The following CAMSAP3 variants were observed in gnomAD, a reference collection of about 807,000 sequenced individuals.
CAMSAP3 encodes the protein calmodulin regulated spectrin associated protein family member 3.
Under a neutral mutation model 112.5 loss-of-function variants are expected in CAMSAP3, and 34 were observed. The observed-to-expected ratio is 0.30, with a 90% CI of 0.23 to 0.40. The LOEUF is 0.40. Ranked by LOEUF, CAMSAP3 falls within the 10% of genes least tolerant of loss-of-function variation. The probability of loss-of-function intolerance (pLI) is 1.00; values close to 1 mark genes in which losing one functional copy is unlikely to be tolerated. For missense variants in CAMSAP3, 1,602 were observed against 1,770.3 expected (o/e 0.90, Z 1.71); for synonymous variants, 868 against 799.8 (o/e 1.09, Z -1.44).
chr19:7,606,521 C>A lies in CAMSAP3; in HGVS notation c.571C>A (p.Arg191=), dbSNP rs201421228. The change falls in exon 4 of 17, where the codon CGA becomes AGA. Residue 191 remains arginine (R), a synonymous_variant. Coordinates refer to ENST00000160298, the MANE Select transcript of CAMSAP3 (RefSeq NM_020902.2). The part of the protein sequence containing the change: ...QEKTEQEAAQ[R]ASPAAPADGA... Reference sequence around the variant, plus strand: ...GAAGACCGAGCAGGAAGCGGCCCAGCGAGCCTCTCCAGCAGCCCCTGCAGA... The same window carrying A: ...GAAGACCGAGCAGGAAGCGGCCCAGAGAGCCTCTCCAGCAGCCCCTGCAGA... 3 of 1,546,688 alleles carry A rather than the reference C, an allele frequency of 1.9e-6. No individual in the cohort carries two copies. Among genetic ancestry groups the A allele is most frequent in the Middle Eastern group, 2.0e-4 (1 of 4,962 alleles).
Position 7,606,500 on chromosome 19 carries a change from A to C in CAMSAP3, c.550A>C (p.Thr184Pro). 6.4e-7 allele frequency: 1 copy of C among 1,571,706 alleles called. No homozygotes were observed. Among genetic ancestry groups the C allele is most frequent in the Non-Finnish European group, 8.6e-7 (1 of 1,166,688 alleles). ...GACCGTCCGGCGGCTGCAGGAGAAG[A>C]CCGAGCAGGAAGCGGCCCAGCGAGC... ...DTTVRRLQEKTEQEAAQRASP... is the reference protein window; with the variant it reads ...DTTVRRLQEKPEQEAAQRASP... The change falls in exon 4 of 17, where the codon ACC becomes CCC. Residue 184 changes from threonine to proline, a missense_variant. This residue lies in a region of CAMSAP3 where 112 missense variants were observed against 94.2 expected (regional missense o/e 1.19). Transcript: ENST00000160298.
rs2030399585 is a variant in CAMSAP3 at position 7,610,100 on chromosome 19, T to C, written c.761-376T>C. 6.6e-6 allele frequency among the ~76,000 whole-genome samples: 1 copy of C among 152,022 alleles called. No individual in the cohort carries two copies. The highest frequency in any genetic ancestry group is 2.1e-4 in the South Asian group (1 of 4,826). On this transcript the variant is annotated intron_variant, in intron 5 of 16. Transcript: ENST00000160298. The surrounding 1 kb of genome is among the most constrained non-coding windows in gnomAD (Gnocchi z 4.9). ...TTGGGTGGCTGAGGCGGCCGGATCATGAAGTCAGGAGATCGAGACCATCCT... is the reference window on the plus strand; with the variant it reads ...TTGGGTGGCTGAGGCGGCCGGATCACGAAGTCAGGAGATCGAGACCATCCT...
chr19:7,613,050 G>T lies in CAMSAP3; in HGVS notation c.2557G>T (p.Asp853Tyr). ...CGAGATCCCGCTGGGCAGCCTGGCA[G>T]ATCCCGCCGCCGAGGACGAGGGAGA... ...LIEIPLGSLA[D>Y]PAAEDEGDGS... The change falls in exon 11 of 17, where the codon GAT becomes TAT. Residue 853 changes from aspartate (D) to tyrosine (Y), a missense_variant. Physicochemically the swap from Asp to Tyr is radical, Grantham distance 160 (BLOSUM62 -3). Coordinates refer to ENST00000160298, the MANE Select transcript of CAMSAP3 (RefSeq NM_020902.2). 1 of 1,550,492 alleles carries T rather than the reference G, an allele frequency of 6.4e-7. No homozygotes were observed. Among genetic ancestry groups the T allele is most frequent in the Non-Finnish European group, 8.7e-7 (1 of 1,148,122 alleles).
intron 11 of CAMSAP3, among the ~76,000 whole-genome samples, chr19:7,613,902 G>T (rs1168885426): frequency 6.6e-6 from 1 of 152,024 alleles, no homozygotes; most frequent in Admixed American, 6.6e-5. Flanking sequence ...TCCATCCCGG[G>T]CCATTTTGCA....
rs1376106196 is a variant in CAMSAP3, at chr19:7,615,005, G to C, written c.2671-178G>C. On this transcript the variant is annotated intron_variant, in intron 11 of 16. Coordinates refer to ENST00000160298, the MANE Select transcript of CAMSAP3 (RefSeq NM_020902.2). This position sits in a 1 kb window ranked among gnomAD's most constrained non-coding sequence, Gnocchi z 6.5. ...GCGGCACCCAGTGTATCCCATCCCT[G>C]TTGTGTCCCAGTACTTAGTGTGGGG... The C allele has an allele frequency of 1.3e-5, 9 of 712,172 alleles. No homozygotes were observed. In the East Asian group the frequency reaches 2.5e-4, roughly 19 times the overall value. 44.1% of individuals were successfully genotyped at this position (712,172 alleles called of 1,614,324 possible).
intron 3 of CAMSAP3, 24 bp from the exon 4 acceptor site, chr19:7,606,452 A>G (rs550318897): frequency 3.7e-6 from 6 of 1,608,352 alleles, no homozygotes; most frequent in Non-Finnish European, 5.1e-6. Flanking sequence ...TGGCCAGACC[A>G]CTGACCCCCT....
rs763082006 is a variant in CAMSAP3 at position 7,610,846 on chromosome 19, C to T, written c.995-31C>T. On this transcript the variant is annotated intron_variant, in intron 7 of 16. Coordinates refer to ENST00000160298, the MANE Select transcript of CAMSAP3 (RefSeq NM_020902.2). The surrounding 1 kb of genome is among the most constrained non-coding windows in gnomAD (Gnocchi z 4.9). ...GTCGGGGGCGGGTGGGAGAGCCAAA[C>T]CCCCGCCTGACCCTCTTCTCTGTAC... The T allele has an allele frequency of 3.7e-6, 6 of 1,609,210 alleles. No individual in the cohort carries two copies. The highest frequency in any genetic ancestry group is 4.2e-6 in the Non-Finnish European group (5 of 1,178,960).
Position 7,618,141 on chromosome 19 carries a change from C to T in CAMSAP3, c.*84C>T. Reference sequence around the variant, plus strand: ...GACAGTCAGTCGGTATTCCTGGGTCCTGTCTGTCCCCAACCGTGTCTGGGT... The same window carrying T: ...GACAGTCAGTCGGTATTCCTGGGTCTTGTCTGTCCCCAACCGTGTCTGGGT... On this transcript the variant is annotated 3_prime_UTR_variant, in exon 17 of 17. Coordinates refer to ENST00000160298, the MANE Select transcript of CAMSAP3 (RefSeq NM_020902.2). 6.9e-7 allele frequency: 1 copy of T among 1,449,622 alleles called. No homozygotes were observed. Among genetic ancestry groups the T allele is most frequent in the South Asian group, 1.3e-5 (1 of 78,276 alleles). The allele number at this position is 1,449,622 out of a possible 1,614,324, so 89.8% of individuals were successfully genotyped here.
chr19:7,606,045 C>T (rs1001921815), intron 2 of CAMSAP3, among the ~76,000 whole-genome samples: 1 of 152,166 alleles, frequency 6.6e-6, no homozygotes, highest in African/African-American at 2.4e-5. Flanking sequence ...TAACGCCTAG[C>T]ATCTGACCTC....
chr19:7,611,015 G>T lies in CAMSAP3; in HGVS notation c.1050-80G>T. 2 of 1,592,022 alleles carry T rather than the reference G, an allele frequency of 1.3e-6. No homozygotes were observed. The highest frequency in any genetic ancestry group is 8.6e-7 in the Non-Finnish European group (1 of 1,162,954). ...CTTGCTGAGCACTGGGACGCAGCTG[G>T]GTGATGCTGTTGTCTCCCCCCGGGG... is the stretch of plus-strand genomic sequence containing the variant. On this transcript the variant is annotated intron_variant, in intron 8 of 16. Coordinates refer to ENST00000160298, the MANE Select transcript of CAMSAP3 (RefSeq NM_020902.2). The surrounding 1 kb of genome is among the most constrained non-coding windows in gnomAD (Gnocchi z 6.9).
chr19:7,603,720 C>T (rs760946599), intron 1 of CAMSAP3, among the ~76,000 whole-genome samples: 8 of 152,116 alleles, frequency 5.3e-5, no homozygotes, highest in African/African-American at 7.2e-5. Flanking sequence ...TGTGGTGGCA[C>T]GTGCCTGCGG....
rs2030425095 is a variant in CAMSAP3 at position 7,610,562 on chromosome 19, C to T, written c.847C>T (p.Arg283Cys). The change falls in exon 6 of 17, where the codon CGT becomes TGT. Residue 283 changes from arginine to cysteine, a missense_variant. Transcript: ENST00000160298. This position sits in a 1 kb window ranked among gnomAD's most constrained non-coding sequence, Gnocchi z 4.9. Reference sequence around the variant, plus strand: ...GGATTTCTGTGCCTCTCGCCTTCCTCGTGGCTGCCCCCTGTCCCTTGAGGA... The same window carrying T: ...GGATTTCTGTGCCTCTCGCCTTCCTTGTGGCTGCCCCCTGTCCCTTGAGGA... ...VQDFCASRLPRGCPLSLEDLL... is the reference protein window; with the variant it reads ...VQDFCASRLPCGCPLSLEDLL... 2.2e-5 allele frequency: 36 copies of T among 1,613,630 alleles called. No homozygotes were observed. Among genetic ancestry groups the T allele is most frequent in the Non-Finnish European group, 2.6e-5 (31 of 1,180,016 alleles).
chr19:7,612,127 A>C lies in CAMSAP3; in HGVS notation c.1634A>C (p.Glu545Ala). 1 of 1,612,524 alleles carries C rather than the reference A, an allele frequency of 6.2e-7. No individual in the cohort carries two copies. The highest frequency in any genetic ancestry group is 1.1e-5 in the South Asian group (1 of 91,066). Reference sequence around the variant, plus strand: ...GCATCGAAACCGCCAGCCCCATCCGAGGGGTCCCCGAAGGCGGTGGCTTCG... The same window carrying C: ...GCATCGAAACCGCCAGCCCCATCCGCGGGGTCCCCGAAGGCGGTGGCTTCG... Reference protein sequence around the residue: ...GEASKPPAPSEGSPKAVASSP... With the variant: ...GEASKPPAPSAGSPKAVASSP... The change falls in exon 11 of 17, where the codon GAG becomes GCG. Residue 545 changes from glutamate to alanine, a missense_variant. Transcript: ENST00000160298.
chr19:7,599,750 A>C (rs1227348839), intron 1 of CAMSAP3, among the ~76,000 whole-genome samples: 83 of 48,366 alleles, frequency 1.7e-3, no homozygotes, highest in Middle Eastern at 0.016. Context: ...CATCCATCCA[A>C]CCACGCACTC....
Position 7,606,561 on chromosome 19 carries a change from C to T in CAMSAP3, c.611C>T (p.Ala204Val), listed in dbSNP as rs1333281522. The change falls in exon 4 of 17, where the codon GCG becomes GTG. Residue 204 changes from alanine (A) to valine (V), a missense_variant. Ala to Val is a moderately conservative substitution (Grantham distance 64). This residue lies in a region of CAMSAP3 where 112 missense variants were observed against 94.2 expected (regional missense o/e 1.19). Coordinates refer to ENST00000160298, the MANE Select transcript of CAMSAP3 (RefSeq NM_020902.2). ...GCCCCTGCAGACGGGGCGGCCCCGG[C>T]GCAGCCCTCGGTGAGGCCAGGGCAT... ...PAAPADGAAP[A>V]QPSIRYRKDR... 1 of 1,532,408 alleles carries T rather than the reference C, an allele frequency of 6.5e-7. No homozygotes were observed. 94.9% of individuals were successfully genotyped at this position (1,532,408 alleles called of 1,614,324 possible).
Position 7,612,339 on chromosome 19 carries a change from G to T in CAMSAP3, c.1846G>T (p.Ala616Ser). Residue 616 changes from alanine to serine, a missense_variant, in exon 11 of 17, where the codon GCT becomes TCT. Ala to Ser is a moderately conservative substitution (Grantham distance 99). Coordinates refer to ENST00000160298, the MANE Select transcript of CAMSAP3 (RefSeq NM_020902.2). ...RLEEKRRAIEAQKRRIEAIFA... is the reference protein window; with the variant it reads ...RLEEKRRAIESQKRRIEAIFA... ...GGAGGAGAAACGCAGAGCCATCGAG[G>T]CTCAGAAGCGACGGATTGAGGCCAT... is the stretch of plus-strand genomic sequence containing the variant. The T allele has an allele frequency of 6.2e-7, 1 of 1,604,100 alleles. No homozygotes were observed. Among genetic ancestry groups the T allele is most frequent in the East Asian group, 2.2e-5 (1 of 44,636 alleles).
rs2030223022 is a variant in CAMSAP3 at position 7,606,372 on chromosome 19, G to A, written c.504G>A (p.Lys168=). 6.2e-7 allele frequency: 1 copy of A among 1,613,854 alleles called. No individual in the cohort carries two copies. Among genetic ancestry groups the A allele is most frequent in the Non-Finnish European group, 8.5e-7 (1 of 1,180,016 alleles). Residue 168 remains lysine (K), a synonymous_variant, in exon 3 of 17, where the codon AAG becomes AAA. Coordinates refer to ENST00000160298, the MANE Select transcript of CAMSAP3 (RefSeq NM_020902.2). ...GPLALTSLEH[K]LLFWVDTTVR... is the part of the protein sequence containing the mutation. ...TGGCCCTGACCAGCTTGGAGCACAA[G>A]CTGCTTTTCTGGGTGGACACGGTAG...
chr19:7,617,945 A>C lies in CAMSAP3; in HGVS notation c.3638A>C (p.Gln1213Pro). 6.2e-7 allele frequency: 1 copy of C among 1,614,142 alleles called. No homozygotes were observed. Residue 1213 changes from glutamine (Q) to proline (P), a missense_variant, in exon 17 of 17, where the codon CAG (glutamine) becomes CCG (proline). Gln to Pro is a moderately conservative substitution (Grantham distance 76, BLOSUM62 -1). Around this residue, in one of 6 missense-constraint regions of CAMSAP3, gnomAD observed 150 missense variants for 207.6 expected, o/e 0.72. Coordinates refer to ENST00000160298, the MANE Select transcript of CAMSAP3 (RefSeq NM_020902.2). The surrounding 1 kb of genome is among the most constrained non-coding windows in gnomAD (Gnocchi z 7.5). ...AACTCGGACCGCAAGCGCTTCACCCAGATCCCCGCCAAGACCATGTCCATG... is the reference window on the plus strand; with the variant it reads ...AACTCGGACCGCAAGCGCTTCACCCCGATCCCCGCCAAGACCATGTCCATG... ...KYNSDRKRFT[Q>P]IPAKTMSMSV...
intron 5 of CAMSAP3, among the ~76,000 whole-genome samples, chr19:7,609,618 A>G (rs960064485): frequency 3.3e-5 from 5 of 152,168 alleles, no homozygotes; most frequent in Non-Finnish European, 7.3e-5. Context: ...GGATAATTCA[A>G]GCACGTTAAT....
Sources: allele counts gnomAD v4.1 joint callset (sites outside exome capture counted in the v4.1 genomes callset), GRCh38; gene constraint gnomAD v4.1.1; regional missense constraint gnomAD v4.1.1; non-coding constraint Gnocchi (gnomAD v3.1); transcripts MANE v1.5; gene names NCBI Gene and HGNC (gene_info 2026-07-23, HGNC 2026-07-21).